The following ATP8B3 variants were observed in gnomAD, a reference collection of about 807,000 sequenced individuals.
The protein encoded by ATP8B3 is phospholipid-transporting ATPase IK.
Under a neutral mutation model 140.9 loss-of-function variants are expected in ATP8B3, and 141 were observed. That is an observed-to-expected ratio of 1.00 (90% CI 0.87 to 1.15). ATP8B3 has a LOEUF of 1.15. Ranked by LOEUF, ATP8B3 falls within the 50% of genes most tolerant of loss-of-function variation. The pLI is 0.00. For synonymous variants in ATP8B3, 765 were observed against 714.6 expected (o/e 1.07, Z -1.13); for missense variants, 1,874 against 1,740.6 (o/e 1.08, Z -1.36).
rs779551471 is a variant in ATP8B3, at chr19:1,787,114, G to T, written c.3142C>A (p.Leu1048Ile). 8 of 1,605,530 alleles carry T rather than the reference G, an allele frequency of 5.0e-6. No individual in the cohort carries two copies. The highest frequency in any genetic ancestry group is 6.8e-6 in the Non-Finnish European group (8 of 1,175,742). The change falls in exon 25 of 29, where the codon CTC becomes ATC. Residue 1048 changes from leucine (L) to isoleucine (I), a missense_variant. Physicochemically the swap from Leu to Ile is conservative, Grantham distance 5. Around this residue, in one of 3 missense-constraint regions of ATP8B3, gnomAD observed 840 missense variants for 760.9 expected, o/e 1.10. Coordinates refer to ENST00000310127, the MANE Select transcript of ATP8B3 (RefSeq NM_138813.4). ...YSTLPVLYIG[L>I]FEQDVSAEQS... ...CTTGCCCTGCTCACCTGCTCAAAGA[G>T]CCCAATGTAGAGAACTGGCAGGGTG...
rs1263492030 is a variant in ATP8B3, at chr19:1,783,302, G to C, written c.3661-32C>G. 4 of 1,594,886 alleles carry C rather than the reference G, an allele frequency of 2.5e-6. No individual in the cohort carries two copies. The South Asian group carries it at 3.4e-5, about 14-fold the overall frequency. On this transcript the variant is annotated intron_variant, in intron 28 of 28. Coordinates refer to ENST00000310127, the MANE Select transcript of ATP8B3 (RefSeq NM_138813.4). ...AGCAAAGGGGAGAGCAGGGGAAGCA[G>C]ACTCCTATGCTTGGCTGATGGCTCT... is the stretch of plus-strand genomic sequence containing the variant.
Position 1,800,486 on chromosome 19 carries a change from G to T in ATP8B3, c.1153-37C>A. Reference sequence around the variant, plus strand: ...ACGCGACAGGGTGGGTGAGGGGGGCGGGGGTCCCCCACTCTGCCATCAGGA... The same window carrying T: ...ACGCGACAGGGTGGGTGAGGGGGGCTGGGGTCCCCCACTCTGCCATCAGGA... On this transcript the variant is annotated intron_variant, in intron 12 of 28. Transcript: ENST00000310127. This position sits in a 1 kb window ranked among gnomAD's most constrained non-coding sequence, Gnocchi z 4.4. 2 of 1,559,902 alleles carry T rather than the reference G, an allele frequency of 1.3e-6. No individual in the cohort carries two copies. The highest frequency in any genetic ancestry group is 1.8e-6 in the Non-Finnish European group (2 of 1,138,138).
At position 1,792,078 on chromosome 19, in the gene ATP8B3, C is replaced by T. The variant is rs1221405655; in HGVS notation, c.2113G>A (p.Asp705Asn). ...LCLAYREVAE[D>N]IYEDWQQRHQ... The stretch of plus-strand genomic sequence containing the variant: ...CGCTGCTGCCAGTCCTCGTAAATGT[C>T]CTCAGCCACCTCCCTGTAGGCCAGG... Residue 705 changes from aspartate to asparagine, a missense_variant, in exon 19 of 29, where the codon GAC becomes AAC. This residue lies in a region of ATP8B3 where 1,032 missense variants were observed against 963.6 expected (regional missense o/e 1.07). Transcript: ENST00000310127. 3 of 1,569,138 alleles carry T rather than the reference C, an allele frequency of 1.9e-6. No individual in the cohort carries two copies. Among genetic ancestry groups the T allele is most frequent in the Admixed American group, 3.7e-5 (2 of 53,950 alleles).
intron 10 of ATP8B3, among the ~76,000 whole-genome samples, chr19:1,803,393 C>G (rs1159060861): frequency 3.3e-5 from 5 of 152,166 alleles, no homozygotes; most frequent in Non-Finnish European, 7.3e-5. Context: ...GGTGGGACGG[C>G]CAGAGGGCAG....
At position 1,807,197 on chromosome 19, in the gene ATP8B3, G is replaced by A. The variant is rs767359352; in HGVS notation, c.586C>T (p.Arg196Cys). ...TCGTCCACCAGGTCCCGGGTGGCAC[G>A]GATGAAGAGGAGGCAGACCATAGGG... is the stretch of plus-strand genomic sequence containing the variant. ...STPMVCLLFI[R>C]ATRDLVDDMG... Residue 196 changes from arginine (R) to cysteine (C), a missense_variant, in exon 6 of 29, where the codon CGT becomes TGT. Physicochemically the swap from Arg to Cys is radical, Grantham distance 180. Around this residue, in one of 3 missense-constraint regions of ATP8B3, gnomAD observed 1,032 missense variants for 963.6 expected, o/e 1.07. Coordinates refer to ENST00000310127, the MANE Select transcript of ATP8B3 (RefSeq NM_138813.4). This position sits in a 1 kb window ranked among gnomAD's most constrained non-coding sequence, Gnocchi z 5.9. 40 of 1,612,590 alleles carry A rather than the reference G, an allele frequency of 2.5e-5. No homozygotes were observed. The Middle Eastern group carries it at 4.9e-4, about 20-fold the overall frequency.
rs199632977 is a variant in ATP8B3 at position 1,790,738 on chromosome 19, C to A, written c.2378+19G>T. On this transcript the variant is annotated intron_variant, in intron 21 of 28. Coordinates refer to ENST00000310127, the MANE Select transcript of ATP8B3 (RefSeq NM_138813.4). Reference sequence around the variant, plus strand: ...CCTCCCCACTCCCCTTGCTCACCCCCCAACTCCCCACTTCTTACCTAATCT... The same window carrying A: ...CCTCCCCACTCCCCTTGCTCACCCCACAACTCCCCACTTCTTACCTAATCT... 342 of 1,584,564 alleles carry A rather than the reference C, an allele frequency of 2.2e-4. 4 individuals are homozygous for A. In the South Asian group the frequency reaches 3.7e-3, roughly 17 times the overall value.
chr19:1,808,106 C>T (rs950676402), intron 5 of ATP8B3, 116 bp downstream of exon 5: 10 of 803,446 alleles, frequency 1.2e-5, no homozygotes, highest in South Asian at 1.1e-4. Context: ...AGGGACTCAG[C>T]GCTGAGGGTC....
At chr19:1,787,039 G>A in intron 25 of ATP8B3, 64 bp downstream of exon 25, 1 of 1,445,596 alleles carries the variant, frequency 6.9e-7, no homozygotes, top group Non-Finnish European at 9.5e-7. Flanking sequence ...GCCCCAAGGA[G>A]CGGAGGAGAG....
chr19:1,811,812 C>A lies in ATP8B3; in HGVS notation c.-76G>T, dbSNP rs1049292006. On this transcript the variant is annotated 5_prime_UTR_variant, in exon 2 of 29. Coordinates refer to ENST00000310127, the MANE Select transcript of ATP8B3 (RefSeq NM_138813.4). ...GGGACGGGGGAGAGGTGGGGGAGAC[C>A]CCCGTGGGGGCAGACTGGGGATTGG... 3 of 1,447,992 alleles carry A rather than the reference C, an allele frequency of 2.1e-6. No homozygotes were observed. The highest frequency in any genetic ancestry group is 2.8e-5 in the African/African-American group (2 of 70,842). 89.7% of individuals were successfully genotyped at this position (1,447,992 alleles called of 1,614,324 possible).
In ATP8B3 at chr19:1,785,114, C is replaced by G. The variant is rs146819777; in HGVS notation, c.3532+45G>C. On this transcript the variant is annotated intron_variant, in intron 27 of 28. Coordinates refer to ENST00000310127, the MANE Select transcript of ATP8B3 (RefSeq NM_138813.4). ...ACCTGCAACCTCTTCCATCGGGGCTCCCCTGCACCACGACCGCCCGTCCCA... is the reference window on the plus strand; with the variant it reads ...ACCTGCAACCTCTTCCATCGGGGCTGCCCTGCACCACGACCGCCCGTCCCA... 1,143 of 1,507,486 alleles carry G rather than the reference C, an allele frequency of 7.6e-4. 4 individuals carry two copies. In the African/African-American group the frequency reaches 0.013, roughly 17 times the overall value. 93.4% of individuals were successfully genotyped at this position (1,507,486 alleles called of 1,614,324 possible).
At position 1,785,491 on chromosome 19, in the gene ATP8B3, C is replaced by A; in HGVS notation, c.3371G>T (p.Cys1124Phe). The A allele has an allele frequency of 6.2e-7, 1 of 1,612,846 alleles. No homozygotes were observed. The highest frequency in any genetic ancestry group is 8.5e-7 in the Non-Finnish European group (1 of 1,179,832). The change falls in exon 26 of 29, where the codon TGC becomes TTC. Residue 1124 changes from cysteine to phenylalanine, a missense_variant. By Grantham distance (205) the Cys-to-Phe change is radical. Coordinates refer to ENST00000310127, the MANE Select transcript of ATP8B3 (RefSeq NM_138813.4). Reference protein sequence around the residue: ...QSFAVVVALSCLLSITMEVIL... With the variant: ...QSFAVVVALSFLLSITMEVIL... ...CACCTCCATGGTGATGGACAGCAGG[C>A]AAGACAGGGCCACCACGACCGCAAA...
At chr19:1,784,354 A>G (rs573291150) in intron 28 of ATP8B3, among the ~76,000 whole-genome samples, 2 of 152,130 alleles carry the variant, frequency 1.3e-5, no homozygotes, top group South Asian at 4.1e-4. Flanking sequence ...TCTCTAGAAA[A>G]TAACTACAAA....
At position 1,806,802 on chromosome 19, in the gene ATP8B3, G is replaced by A. The variant is rs1051141653; in HGVS notation, c.616-113C>T. 6.6e-6 allele frequency: 8 copies of A among 1,203,630 alleles called. No individual in the cohort carries two copies. Among genetic ancestry groups the A allele is most frequent in the East Asian group, 2.6e-5 (1 of 39,018 alleles). The allele number at this position is 1,203,630 out of a possible 1,614,324, so 74.6% of individuals were successfully genotyped here. On this transcript the variant is annotated intron_variant, in intron 6 of 28. Coordinates refer to ENST00000310127, the MANE Select transcript of ATP8B3 (RefSeq NM_138813.4). The surrounding 1 kb of genome is among the most constrained non-coding windows in gnomAD (Gnocchi z 5.6). ...CGCCCGCAACACGGGGTCCCTGTCC[G>A]CTGGCCCCACGCCACGTTGCGTCTG...
Position 1,783,167 on chromosome 19 carries a change from G to C in ATP8B3, c.3764C>G (p.Ser1255Cys). Residue 1255 changes from serine to cysteine, a missense_variant, in exon 29 of 29, where the codon TCC becomes TGC. Around this residue, in one of 3 missense-constraint regions of ATP8B3, gnomAD observed 840 missense variants for 760.9 expected, o/e 1.10. Coordinates refer to ENST00000310127, the MANE Select transcript of ATP8B3 (RefSeq NM_138813.4). ...GAGGTTTGCATATCCCTCACGGTGG[G>C]AGAAAGCATAGCTGGAACGGCGGGC... ...SRARRSSYAF[S>C]HREGYANLIT... 6.2e-7 allele frequency: 1 copy of C among 1,613,614 alleles called. No individual in the cohort carries two copies. The highest frequency in any genetic ancestry group is 1.1e-5 in the South Asian group (1 of 91,036).
At position 1,806,673 on chromosome 19, in the gene ATP8B3, T is replaced by C; in HGVS notation, c.632A>G (p.Asp211Gly). 1 of 1,564,582 alleles carries C rather than the reference T, an allele frequency of 6.4e-7. No individual in the cohort carries two copies. Among genetic ancestry groups the C allele is most frequent in the East Asian group, 2.4e-5 (1 of 41,792 alleles). ...LVDDMGRHKS[D>G]RAINNRPCQI... The stretch of plus-strand genomic sequence containing the variant: ...GCAGGGTCTGTTGTTGATGGCTCTG[T>C]CACTCTTGTGTCTCCCCTGGGCCAG... Residue 211 changes from aspartate (D) to glycine (G), a missense_variant, in exon 7 of 29, where the codon GAC becomes GGC. By Grantham distance (94) the Asp-to-Gly change is moderately conservative (BLOSUM62 -1). Coordinates refer to ENST00000310127, the MANE Select transcript of ATP8B3 (RefSeq NM_138813.4). This position sits in a 1 kb window ranked among gnomAD's most constrained non-coding sequence, Gnocchi z 5.6.
chr19:1,791,275 A>C (rs2145180790), intron 20 of ATP8B3, among the ~76,000 whole-genome samples: 1 of 152,184 alleles, frequency 6.6e-6, no homozygotes, highest in Non-Finnish European at 1.5e-5. Context: ...CAGTGGCGCA[A>C]TCACGGCTCA....
Position 1,785,628 on chromosome 19 carries a change from G to C in ATP8B3, c.3234C>G (p.Val1078=), listed in dbSNP as rs201966639. ...GQKDELFNYW[V]FVQAIAHGVT... ...CACCATGGGCGATGGCTTGGACGAA[G>C]ACCCAGTAGTTGAAGAGCTCGTCCT... is the stretch of plus-strand genomic sequence containing the variant. Residue 1078 remains valine, a synonymous_variant, in exon 26 of 29, where the codon GTC becomes GTG. Transcript: ENST00000310127. 3.8e-4 allele frequency: 621 copies of C among 1,613,320 alleles called. 2 individuals are homozygous for C. In the African/African-American group the frequency reaches 7.4e-3, roughly 19 times the overall value.
At chr19:1,803,308 T>TGAAGGCAC (rs1274598112) in intron 10 of ATP8B3, among the ~76,000 whole-genome samples, 3 of 152,146 alleles carry the variant, frequency 2.0e-5, no homozygotes, top group African/African-American at 7.2e-5. Flanking sequence ...TGAAGGGTCC[T>TGAAGGCAC]CACCTGCCTC....
intron 18 of ATP8B3, among the ~76,000 whole-genome samples, chr19:1,792,496 C>A (rs1442281324): frequency 6.7e-6 from 1 of 149,532 alleles, no homozygotes; most frequent in Non-Finnish European, 1.5e-5. Context: ...AGGAGAATTG[C>A]TTGAACTTGG....
Sources: gnomAD v4.1 joint callset for allele counts (sites outside exome capture counted in the v4.1 genomes callset) on GRCh38, gnomAD v4.1.1 for gene constraint, gnomAD v4.1.1 regional missense constraint, Gnocchi (gnomAD v3.1) non-coding constraint, MANE v1.5 for transcripts, NCBI Gene and HGNC (gene_info 2026-07-23, HGNC 2026-07-21) for gene names.